RALYL: variants seen among roughly 807,000 people sequenced by gnomAD.
RALYL encodes RALY RNA binding protein like, also known as RNA-binding Raly-like protein.
RALYL carries 29 observed loss-of-function variants against 35.1 expected under a neutral mutation model. The ratio of observed to expected loss-of-function variants is 0.83; its 90% confidence interval spans 0.61 to 1.13. The LOEUF (loss-of-function observed/expected upper bound fraction) is 1.13, where lower values mean the gene tolerates loss of function less well. RALYL is among the 50% of genes most tolerant of loss of function. RALYL has a pLI of 0.00. For missense variants in RALYL, 359 were observed against 360.4 expected, an observed-to-expected ratio of 1.00 and a Z score of 0.03; for synonymous variants, 120 against 127.6, an observed-to-expected ratio of 0.94 and a Z score of 0.40.
intron 3 of RALYL, among the ~76,000 whole-genome samples, chr8:84,786,647 A>C (rs1331385998): frequency 6.6e-6 from 1 of 152,104 alleles, no homozygotes; most frequent in Middle Eastern, 3.2e-3. Flanking sequence ...GTGTCTGTTC[A>C]TGTCCTTTAC....
intron 2 of RALYL, among the ~76,000 whole-genome samples, chr8:84,627,972 G>C (rs781077586): frequency 1.3e-5 from 2 of 152,030 alleles, no homozygotes; most frequent in Non-Finnish European, 2.9e-5. Context: ...TTAGACTCCT[G>C]ATTGCTGTTT....
chr8:84,241,434 A>G (rs372280227), intron 1 of RALYL, among the ~76,000 whole-genome samples: 9 of 152,196 alleles, frequency 5.9e-5, no homozygotes, highest in Non-Finnish European at 1.3e-4. Flanking sequence ...ATGAAGAGAG[A>G]AAGTGATAGG....
chr8:84,912,823 C>A (rs1430646381), intron 8 of RALYL, among the ~76,000 whole-genome samples: 1 of 151,986 alleles, frequency 6.6e-6, no homozygotes, highest in Non-Finnish European at 1.5e-5. Context: ...CAGGTAAGTG[C>A]AGAAATATGT....
chr8:84,630,169 G>C (rs1823611842), intron 2 of RALYL, among the ~76,000 whole-genome samples: 2 of 152,102 alleles, frequency 1.3e-5, no homozygotes, highest in South Asian at 4.1e-4. Flanking sequence ...CTCTTAATTG[G>C]AAATGGAATT....
intron 1 of RALYL, among the ~76,000 whole-genome samples, chr8:84,343,981 G>C (rs990385176): frequency 6.6e-6 from 1 of 151,756 alleles, no homozygotes; most frequent in African/African-American, 2.4e-5. Context: ...TATGGCAATT[G>C]TTTTACTGAT....
intron 2 of RALYL, among the ~76,000 whole-genome samples, chr8:84,691,867 C>A (rs1306352125): frequency 1.3e-5 from 2 of 151,916 alleles, no homozygotes; most frequent in Admixed American, 1.3e-4. Context: ...ATTAGCAAAT[C>A]AAATGCAGTG....
intron 1 of RALYL, among the ~76,000 whole-genome samples, chr8:84,372,472 T>C (rs1855912931): frequency 6.6e-6 from 1 of 151,998 alleles, no homozygotes; most frequent in South Asian, 2.1e-4. Flanking sequence ...ATGGGGCCAG[T>C]AGCAATTTAA....
intron 1 of RALYL, among the ~76,000 whole-genome samples, chr8:84,498,525 G>A (rs1212622446): frequency 2.0e-5 from 3 of 152,062 alleles, no homozygotes; most frequent in East Asian, 1.9e-4. Flanking sequence ...ATGCCTGATA[G>A]CTAGATGCAC....
chr8:84,571,589 A>C (rs1463405645), intron 2 of RALYL, among the ~76,000 whole-genome samples: 2 of 151,284 alleles, frequency 1.3e-5, no homozygotes, highest in East Asian at 3.9e-4. Flanking sequence ...CATTTGTATA[A>C]TTTTTTTGGT....
At chr8:84,526,126 T>G (rs2058876639) in intron 1 of RALYL, among the ~76,000 whole-genome samples, 1 of 151,912 alleles carries the variant, frequency 6.6e-6, no homozygotes, top group Admixed American at 6.6e-5. Flanking sequence ...CTAATTTTTT[T>G]GTATTTTTAG....
chr8:84,328,719 G>T (rs1237086048), intron 1 of RALYL, among the ~76,000 whole-genome samples: 3 of 152,146 alleles, frequency 2.0e-5, no homozygotes, highest in Non-Finnish European at 4.4e-5. Flanking sequence ...CACCCAGTGA[G>T]CATAGTACCC....
At chr8:84,190,685 A>G (rs1431263539) in intron 1 of RALYL, among the ~76,000 whole-genome samples, 2 of 152,188 alleles carry the variant, frequency 1.3e-5, no homozygotes, top group Admixed American at 6.5e-5. Flanking sequence ...AAATGATTCA[A>G]TTTTGAACAT....
At chr8:84,339,796 T>C (rs1274747963) in intron 1 of RALYL, among the ~76,000 whole-genome samples, 1 of 152,036 alleles carries the variant, frequency 6.6e-6, no homozygotes, top group African/African-American at 2.4e-5. Context: ...TCTTCCTAGT[T>C]CTGCTCACAA....
At chr8:84,709,530 T>C (rs1441254921) in intron 2 of RALYL, among the ~76,000 whole-genome samples, 1 of 152,118 alleles carries the variant, frequency 6.6e-6, no homozygotes, top group Non-Finnish European at 1.5e-5. Flanking sequence ...ACTGCATTTG[T>C]AATAGCTTTT....
chr8:84,185,073 G>A (rs1387825440), intron 1 of RALYL: 6 of 1,573,478 alleles, frequency 3.8e-6, no homozygotes, highest in Non-Finnish European at 4.4e-6. Flanking sequence ...TAGGGATGCT[G>A]TCTTTGGATC....
intron 1 of RALYL, among the ~76,000 whole-genome samples, chr8:84,199,629 G>A (rs1816340487): frequency 6.6e-6 from 1 of 152,170 alleles, no homozygotes; most frequent in Non-Finnish European, 1.5e-5. Context: ...ATAGTTTGAG[G>A]TCTTAGATTT....
intron 1 of RALYL, among the ~76,000 whole-genome samples, chr8:84,351,555 CA>C (rs1400522150): frequency 6.7e-6 from 1 of 149,302 alleles, no homozygotes; most frequent in East Asian, 1.9e-4. Context: ...ACCATGTGGC[CA>C]ACTAGATACC....
At chr8:84,683,841 C>T (rs1176936964) in intron 2 of RALYL, among the ~76,000 whole-genome samples, 7 of 152,116 alleles carry the variant, frequency 4.6e-5, no homozygotes, top group Admixed American at 2.0e-4. Flanking sequence ...CATGTGCCAC[C>T]ATGCCCAGCT....
In RALYL at chr8:84,804,786, C is replaced by A. The variant is rs951497846; in HGVS notation, c.349C>A (p.Pro117Thr). The A allele has an allele frequency of 7.7e-6, 9 of 1,169,740 alleles. No individual in the cohort carries two copies. The Admixed American group carries it at 1.5e-4, about 19-fold the overall frequency. 72.5% of individuals were successfully genotyped at this position (1,169,740 alleles called of 1,614,324 possible). A position where few individuals can be genotyped will look rare whatever the true frequency, so the allele number is the denominator to read the frequency against. Residue 117 changes from proline (P) to threonine (T), a missense_variant, in exon 4 of 9, where the codon CCT becomes ACT. By Grantham distance (38) the Pro-to-Thr change is conservative. Coordinates refer to ENST00000521268, the MANE Select transcript of RALYL (RefSeq NM_173848.7). ...TTTTCATAGACTTGAATCAAAGGAACCTTTCCTGTCTGTTGGGTAAGTATA... is the reference window on the plus strand; with the variant it reads ...TTTTCATAGACTTGAATCAAAGGAAACTTTCCTGTCTGTTGGGTAAGTATA... ...SALYRLESKE[P>T]FLSVGGYVFD...
Sources: allele counts gnomAD v4.1 joint callset (sites outside exome capture counted in the v4.1 genomes callset), GRCh38; gene constraint gnomAD v4.1.1; transcripts MANE v1.5; gene names NCBI Gene and HGNC (gene_info 2026-07-23, HGNC 2026-07-21).